Variants in KCNK5 observed in about 807,000 individuals in gnomAD.
KCNK5 encodes potassium channel subfamily K member 5.
KCNK5 carries 18 observed loss-of-function variants against 32.9 expected under a neutral mutation model. The ratio of observed to expected loss-of-function variants is 0.55; its 90% confidence interval spans 0.38 to 0.81. The LOEUF (loss-of-function observed/expected upper bound fraction) is 0.81, where lower values mean the gene tolerates loss of function less well. KCNK5 is among the 30% of genes least tolerant of loss of function. The pLI, the probability that KCNK5 is intolerant of heterozygous loss-of-function variation, is 0.00. For missense variants in KCNK5, 507 were observed against 651.0 expected, an observed-to-expected ratio of 0.78 and a Z score of 2.41; for synonymous variants, 276 against 275.3, an observed-to-expected ratio of 1.00 and a Z score of -0.03.
intron 1 of KCNK5, among the ~76,000 whole-genome samples, chr6:39,221,359 C>T (rs148578106): frequency 4.9e-4 from 74 of 152,262 alleles, no homozygotes; most frequent in Non-Finnish European, 9.1e-4. Flanking sequence ...TGGACAAGAC[C>T]GAAGCTTCCA....
At position 39,194,062 on chromosome 6, in the gene KCNK5, G is replaced by C; in HGVS notation, c.634+107C>G. ...GGGTTGAGAATCCCACTGGGTAAGA[G>C]AAGTGCCCAGAACATGGAACCCTAC... On this transcript the variant is annotated intron_variant, in intron 4 of 4. Coordinates refer to ENST00000359534, the MANE Select transcript of KCNK5 (RefSeq NM_003740.4). This position sits in a 1 kb window ranked among gnomAD's most constrained non-coding sequence, Gnocchi z 4.7. 8.3e-7 allele frequency: 1 copy of C among 1,204,306 alleles called. No individual in the cohort carries two copies. The highest frequency in any genetic ancestry group is 1.2e-6 in the Non-Finnish European group (1 of 821,600). The allele number at this position is 1,204,306 out of a possible 1,614,324, so 74.6% of individuals were successfully genotyped here. A position where few individuals can be genotyped will look rare whatever the true frequency, so the allele number is the denominator to read the frequency against.
In KCNK5 at chr6:39,191,576, G is replaced by C; in HGVS notation, c.814C>G (p.His272Asp). The part of the protein sequence containing the change: ...RRKESFESSP[H>D]SRKALQVKGS... ...TTCACCTGCAGGGCCTTCCGGGAGT[G>C]TGGGGAGCTCTCAAAGGACTCCTTC... The change falls in exon 5 of 5, where the codon CAC (histidine) becomes GAC (aspartate). Residue 272 changes from histidine to aspartate, a missense_variant. Around this residue, in one of 6 missense-constraint regions of KCNK5, gnomAD observed 42 missense variants for 35.3 expected, o/e 1.19. Coordinates refer to ENST00000359534, the MANE Select transcript of KCNK5 (RefSeq NM_003740.4). This position sits in a 1 kb window ranked among gnomAD's most constrained non-coding sequence, Gnocchi z 5.8. The C allele has an allele frequency of 1.2e-6, 2 of 1,614,010 alleles. No individual in the cohort carries two copies. The highest frequency in any genetic ancestry group is 1.7e-6 in the Non-Finnish European group (2 of 1,180,030).
chr6:39,198,860 TGTA>T (rs1158893362), intron 1 of KCNK5, among the ~76,000 whole-genome samples: 2 of 152,160 alleles, frequency 1.3e-5, no homozygotes, highest in Non-Finnish European at 2.9e-5. Flanking sequence ...GGCTACTCCT[TGTA>T]GTAATCAATT....
intron 1 of KCNK5, among the ~76,000 whole-genome samples, chr6:39,196,595 T>C (rs1216550073): frequency 6.6e-6 from 1 of 152,196 alleles, no homozygotes; most frequent in Non-Finnish European, 1.5e-5. Context: ...AGTGCCCTGT[T>C]GACTTGTCCT....
rs547994800 is a variant in KCNK5, at chr6:39,195,780, C to A, written c.298+96G>T. 4 of 759,986 alleles carry A rather than the reference C, an allele frequency of 5.3e-6. No homozygotes were observed. The African/African-American group carries it at 7.0e-5, about 13-fold the overall frequency. 47.1% of individuals were successfully genotyped at this position (759,986 alleles called of 1,614,324 possible). A position where few individuals can be genotyped will look rare whatever the true frequency, so the allele number is the denominator to read the frequency against. On this transcript the variant is annotated intron_variant, in intron 2 of 4. Transcript: ENST00000359534. ...TAGCCTGCAACTGATCTGATTGTAC[C>A]CCCAACAGGGCTGAGTGACCAGAGC...
chr6:39,209,992 C>T (rs1771302740), intron 1 of KCNK5, among the ~76,000 whole-genome samples: 7 of 152,234 alleles, frequency 4.6e-5, no homozygotes. Context: ...GATGCATGAA[C>T]TTGTTTACAA....
Position 39,229,168 on chromosome 6 carries a change from T to C in KCNK5, c.-57A>G. On this transcript the variant is annotated 5_prime_UTR_variant, in exon 1 of 5. Transcript: ENST00000359534. ...CTCTCCTAGCCCCAGCTGCTACCAG[T>C]CCGCCCGCCCTCCAGCCTCTGAAAA... The C allele has an allele frequency of 6.4e-7, 1 of 1,570,130 alleles. No homozygotes were observed. The highest frequency in any genetic ancestry group is 8.7e-7 in the Non-Finnish European group (1 of 1,149,604).
chr6:39,212,858 T>C (rs1477527128), intron 1 of KCNK5, among the ~76,000 whole-genome samples: 1 of 152,208 alleles, frequency 6.6e-6, no homozygotes, highest in Admixed American at 6.5e-5. Context: ...ACAGCACTGC[T>C]GCCAAGGAAG....
intron 1 of KCNK5, among the ~76,000 whole-genome samples, chr6:39,206,574 G>A (rs935343647): frequency 7.9e-5 from 12 of 152,148 alleles, no homozygotes; most frequent in African/African-American, 1.9e-4. Flanking sequence ...TGCCCCTCGC[G>A]TGCTGGCCTG....
chr6:39,222,432 C>T (rs1394216856), intron 1 of KCNK5, among the ~76,000 whole-genome samples: 1 of 152,306 alleles, frequency 6.6e-6, no homozygotes, highest in East Asian at 1.9e-4. Context: ...TAGAATGTTC[C>T]ACTTCTTTTA....
At chr6:39,205,288 T>A (rs1771204449) in intron 1 of KCNK5, among the ~76,000 whole-genome samples, 1 of 152,150 alleles carries the variant, frequency 6.6e-6, no homozygotes, top group South Asian at 2.1e-4. Context: ...ACAGCACTGC[T>A]GTGTGCCTGA....
intron 1 of KCNK5, among the ~76,000 whole-genome samples, chr6:39,226,262 A>G (rs1286093926): frequency 6.6e-6 from 1 of 152,228 alleles, no homozygotes; most frequent in Non-Finnish European, 1.5e-5. Flanking sequence ...CTTGCTTGAG[A>G]GCAAGGGTTC....
Position 39,203,182 on chromosome 6 carries a change from G to T in KCNK5, c.187-7195C>A, listed in dbSNP as rs535144292. ...GTGCCTGGAAGACAGGAAAGGGTGA[G>T]AACACTGTCCCTAACCTTCTTCACA... On this transcript the variant is annotated intron_variant, in intron 1 of 4. Coordinates refer to ENST00000359534, the MANE Select transcript of KCNK5 (RefSeq NM_003740.4). Among the ~76,000 whole-genome samples, 3 of 152,304 alleles carry T rather than the reference G, an allele frequency of 2.0e-5. No individual in the cohort carries two copies. The South Asian group carries it at 6.2e-4, about 32-fold the overall frequency.
chr6:39,208,536 C>CAAGCCCATT (rs1771270560), intron 1 of KCNK5, among the ~76,000 whole-genome samples: 1 of 152,360 alleles, frequency 6.6e-6, no homozygotes, highest in East Asian at 1.9e-4. Context: ...GGCTGCAGTC[C>CAAGCCCATT]AAGCCCATTT....
intron 1 of KCNK5, among the ~76,000 whole-genome samples, chr6:39,216,422 A>G (rs1771439009): frequency 6.6e-6 from 1 of 152,234 alleles, no homozygotes; most frequent in Non-Finnish European, 1.5e-5. Context: ...TAACACGCGC[A>G]CGGGGCACTT....
chr6:39,204,163 G>A (rs1771181101), intron 1 of KCNK5, among the ~76,000 whole-genome samples: 2 of 152,264 alleles, frequency 1.3e-5, no homozygotes, highest in African/African-American at 4.8e-5. Flanking sequence ...TTAACTTGTG[G>A]TTGCTTATCT....
At chr6:39,196,506 G>C (rs943687980) in intron 1 of KCNK5, among the ~76,000 whole-genome samples, 1 of 152,164 alleles carries the variant, frequency 6.6e-6, no homozygotes, top group Non-Finnish European at 1.5e-5. Flanking sequence ...CAGAGACCAG[G>C]TCCTTGTTCA....
At chr6:39,193,194 C>T (rs1373189918) in intron 4 of KCNK5, among the ~76,000 whole-genome samples, 1 of 151,392 alleles carries the variant, frequency 6.6e-6, no homozygotes, top group Non-Finnish European at 1.5e-5. Context: ...TCCCTAATAC[C>T]AGAGGCACCT....
intron 1 of KCNK5, among the ~76,000 whole-genome samples, chr6:39,221,526 A>T (rs1015199455): frequency 3.9e-5 from 6 of 152,164 alleles, no homozygotes; most frequent in African/African-American, 1.4e-4. Flanking sequence ...AATGTCTGGC[A>T]CCTGGTAGGC....
Sources: allele counts gnomAD v4.1 joint callset (sites outside exome capture counted in the v4.1 genomes callset), GRCh38; gene constraint gnomAD v4.1.1; regional missense constraint gnomAD v4.1.1; non-coding constraint Gnocchi (gnomAD v3.1); transcripts MANE v1.5; gene names NCBI Gene and HGNC (gene_info 2026-07-23, HGNC 2026-07-21).